AK5: variants seen among roughly 807,000 people sequenced by gnomAD.
The protein encoded by AK5 is adenylate kinase isoenzyme 5.
Under a neutral mutation model 69.5 loss-of-function variants are expected in AK5, and 27 were observed. The ratio of observed to expected loss-of-function variants is 0.39; its 90% confidence interval spans 0.29 to 0.54. AK5 has a LOEUF of 0.54. AK5 is among the 20% of genes least tolerant of loss of function. AK5 has a pLI of 0.71. For missense variants in AK5, 531 were observed against 700.4 expected, an observed-to-expected ratio of 0.76 and a Z score of 2.73; for synonymous variants, 260 against 244.4, an observed-to-expected ratio of 1.06 and a Z score of -0.60.
intron 8 of AK5, among the ~76,000 whole-genome samples, chr1:77,467,909 G>A (rs564284554): frequency 6.6e-6 from 1 of 152,248 alleles, no homozygotes; most frequent in African/African-American, 2.4e-5. Context: ...TCCCTCACCC[G>A]GTGCTCATAG....
At chr1:77,548,239 A>G (rs1659637910) in intron 13 of AK5, among the ~76,000 whole-genome samples, 2 of 152,212 alleles carry the variant, frequency 1.3e-5, no homozygotes, top group South Asian at 2.1e-4. Flanking sequence ...AAATCTCTCT[A>G]CAGTCAATGT....
At chr1:77,454,369 C>T (rs1653345850) in intron 8 of AK5, among the ~76,000 whole-genome samples, 1 of 152,134 alleles carries the variant, frequency 6.6e-6, no homozygotes, top group African/African-American at 2.4e-5. Context: ...CCCCAGGAGC[C>T]CAGAGCCTAG....
intron 6 of AK5, among the ~76,000 whole-genome samples, chr1:77,359,484 T>C (rs1646823503): frequency 1.3e-5 from 2 of 152,184 alleles, no homozygotes. Flanking sequence ...TTCTGTAAAC[T>C]TTTTTGTAAA....
intron 9 of AK5, 53 bp from the exon 10 acceptor site, chr1:77,486,255 G>T: frequency 8.1e-7 from 1 of 1,229,304 alleles, no homozygotes. Context: ...AGTAAAACCA[G>T]GGCTTCAGTA....
chr1:77,372,836 A>G (rs1282818637), intron 6 of AK5, among the ~76,000 whole-genome samples: 2 of 151,984 alleles, frequency 1.3e-5, no homozygotes, highest in Admixed American at 6.6e-5. Flanking sequence ...TTAGTGCCAA[A>G]TATTTGTTCT....
rs1286196805 is a variant in AK5 at position 77,487,512 on chromosome 1, G to A, written c.1147+1160G>A. Among the ~76,000 whole-genome samples the A allele has an allele frequency of 2.0e-5, 3 of 152,210 alleles. No homozygotes were observed. The East Asian group carries it at 5.8e-4, about 29-fold the overall frequency. ...TATTTATATTCAGAAATAATGAAAA[G>A]GTCCACACCTCCTCAATGAGTGGGA... is the stretch of plus-strand genomic sequence containing the variant. On this transcript the variant is annotated intron_variant, in intron 10 of 13. Transcript: ENST00000354567.
At chr1:77,555,371 TC>T (rs1446106222) in intron 13 of AK5, among the ~76,000 whole-genome samples, 2 of 152,172 alleles carry the variant, frequency 1.3e-5, no homozygotes, top group Non-Finnish European at 2.9e-5. Context: ...GCCTAGCCTG[TC>T]CCTACAATTC....
chr1:77,299,530 C>G (rs976117078), intron 5 of AK5, among the ~76,000 whole-genome samples: 1 of 152,060 alleles, frequency 6.6e-6, no homozygotes, highest in Admixed American at 6.6e-5. Context: ...TGTCTGCCTC[C>G]CCTTCTTAGG....
intron 6 of AK5, among the ~76,000 whole-genome samples, chr1:77,367,575 ATATAATATATATGT>A (rs1646982514): frequency 8.9e-5 from 1 of 11,296 alleles, no homozygotes; most frequent in African/African-American, 2.2e-4. Flanking sequence ...ATATATATAT[ATATAATATATATGT>A]TATATATGTA....
chr1:77,473,695 A>G (rs573344287), intron 8 of AK5, among the ~76,000 whole-genome samples: 1 of 152,302 alleles, frequency 6.6e-6, no homozygotes, highest in African/African-American at 2.4e-5. Flanking sequence ...TTTACTTAGC[A>G]TGTCTCTGTT....
At chr1:77,318,376 G>A (rs1353128263) in intron 5 of AK5, among the ~76,000 whole-genome samples, 1 of 152,108 alleles carries the variant, frequency 6.6e-6, no homozygotes, top group Non-Finnish European at 1.5e-5. Flanking sequence ...TTGCCCCCAT[G>A]ATCTAATCAC....
intron 10 of AK5, among the ~76,000 whole-genome samples, chr1:77,506,327 A>G (rs1657025692): frequency 6.6e-6 from 1 of 151,878 alleles, no homozygotes; most frequent in African/African-American, 2.4e-5. Context: ...TGAAAGGACA[A>G]GTGATTTAAT....
intron 5 of AK5, among the ~76,000 whole-genome samples, chr1:77,311,646 A>G (rs981618092): frequency 6.6e-6 from 1 of 150,900 alleles, no homozygotes; most frequent in African/African-American, 2.4e-5. Flanking sequence ...GAGAAGAGCC[A>G]ACTCTTCCCT....
intron 8 of AK5, among the ~76,000 whole-genome samples, chr1:77,422,450 C>G (rs1480601144): frequency 6.6e-6 from 1 of 152,188 alleles, no homozygotes; most frequent in East Asian, 1.9e-4. Flanking sequence ...ACATTTTTCT[C>G]CAAACTCATC....
intron 6 of AK5, among the ~76,000 whole-genome samples, chr1:77,379,114 G>T (rs566906983): frequency 2.0e-5 from 3 of 152,272 alleles, no homozygotes; most frequent in African/African-American, 7.2e-5. Context: ...GTGGGTCTGG[G>T]GTGATCCAGC....
chr1:77,504,437 A>ATG (rs1237982801), intron 10 of AK5, among the ~76,000 whole-genome samples: 4 of 72,346 alleles, frequency 5.5e-5, no homozygotes, highest in African/African-American at 1.6e-4. Context: ...CTGTGTATAT[A>ATG]TATATTTTTT....
intron 10 of AK5, among the ~76,000 whole-genome samples, chr1:77,518,254 G>GGC (rs1433822912): frequency 2.0e-5 from 3 of 152,154 alleles, no homozygotes; most frequent in African/African-American, 7.2e-5. Context: ...CCCGATAGTA[G>GGC]GCTGTACTCA....
chr1:77,372,207 C>T (rs1180211280), intron 6 of AK5, among the ~76,000 whole-genome samples: 1 of 151,992 alleles, frequency 6.6e-6, no homozygotes, highest in Admixed American at 6.6e-5. Flanking sequence ...GGAAATGTTA[C>T]AGTGAATTTT....
chr1:77,497,080 CT>C (rs1447592129), intron 10 of AK5, among the ~76,000 whole-genome samples: 4 of 152,230 alleles, frequency 2.6e-5, no homozygotes, highest in Non-Finnish European at 4.4e-5. Flanking sequence ...CTGCTGATCA[CT>C]TTTTGGGTCT....
Sources: allele counts gnomAD v4.1 joint callset (sites outside exome capture counted in the v4.1 genomes callset), GRCh38; gene constraint gnomAD v4.1.1; transcripts MANE v1.5; gene names NCBI Gene and HGNC (gene_info 2026-07-23, HGNC 2026-07-21).